The following SLC35F3 variants were observed in gnomAD, a reference collection of about 807,000 sequenced individuals.
SLC35F3 encodes the protein solute carrier family 35 member F3.
In SLC35F3, 25 loss-of-function variants were observed where a neutral mutation model predicts 49.9. The observed-to-expected ratio is 0.50, with a 90% CI of 0.37 to 0.70. The LOEUF (loss-of-function observed/expected upper bound fraction) is 0.70. SLC35F3 is among the 30% of genes least tolerant of loss of function. The pLI, the probability that SLC35F3 is intolerant of heterozygous loss-of-function variation, is 0.00. For synonymous variants in SLC35F3, 275 were observed against 265.4 expected (o/e 1.04, Z -0.35); for missense variants, 525 against 639.8 (o/e 0.82, Z 1.94).
intron 2 of SLC35F3, among the ~76,000 whole-genome samples, chr1:234,163,470 T>C (rs1312617266): frequency 6.6e-6 from 1 of 151,822 alleles, no homozygotes; most frequent in Non-Finnish European, 1.5e-5. Flanking sequence ...AGTGAGTGAG[T>C]GAGTGAGTGA....
At chr1:234,074,181 T>A (rs565916043) in intron 2 of SLC35F3, among the ~76,000 whole-genome samples, 1 of 152,316 alleles carries the variant, frequency 6.6e-6, no homozygotes, top group African/African-American at 2.4e-5. Context: ...GCTTTCCCTT[T>A]AAAATGTACG....
At chr1:234,241,710 G>A (rs963156884) in intron 3 of SLC35F3, among the ~76,000 whole-genome samples, 4 of 149,164 alleles carry the variant, frequency 2.7e-5, no homozygotes, top group African/African-American at 1.0e-4. Context: ...ACTCCAGCCT[G>A]GGCAACAAGA....
chr1:234,055,254 T>C (rs1664440220), intron 2 of SLC35F3, among the ~76,000 whole-genome samples: 1 of 152,136 alleles, frequency 6.6e-6, no homozygotes, highest in Non-Finnish European at 1.5e-5. Flanking sequence ...CTACAGAGTC[T>C]ATAGAGTCTA....
chr1:233,911,919 G>GAGTCT (rs1391134973), intron 2 of SLC35F3, among the ~76,000 whole-genome samples: 2 of 152,214 alleles, frequency 1.3e-5, no homozygotes, highest in Non-Finnish European at 2.9e-5. Flanking sequence ...TCATTAAAAA[G>GAGTCT]AGTCTAGTCT....
intron 2 of SLC35F3, among the ~76,000 whole-genome samples, chr1:234,108,678 ATAT>A (rs1393099312): frequency 1.0e-5 from 1 of 96,328 alleles, no homozygotes. Flanking sequence ...AAAGATATAT[ATAT>A]TTTTATATAT....
intron 2 of SLC35F3, among the ~76,000 whole-genome samples, chr1:234,133,732 C>T (rs913619642): frequency 6.6e-5 from 10 of 152,222 alleles, no homozygotes; most frequent in Admixed American, 5.2e-4. Flanking sequence ...GGCCATAACC[C>T]TCTTTTCTGG....
chr1:234,302,048 G>A lies in SLC35F3; in HGVS notation c.609-7053G>A, dbSNP rs186788992. ...ACACCAGGGCCTGTTGAAGGATGAG[G>A]GATGAGGGAAGGGAACTGAGAGGAC... is the stretch of plus-strand genomic sequence containing the variant. On this transcript the variant is annotated intron_variant, in intron 3 of 7. Transcript: ENST00000366618. Among the ~76,000 whole-genome samples the A allele has an allele frequency of 1.4e-4, 21 of 152,282 alleles. No individual in the cohort carries two copies. The East Asian group carries it at 3.9e-3, about 28-fold the overall frequency.
intron 2 of SLC35F3, among the ~76,000 whole-genome samples, chr1:234,223,021 A>C (rs939215514): frequency 2.0e-5 from 3 of 152,176 alleles, no homozygotes; most frequent in Admixed American, 1.3e-4. Flanking sequence ...TTTCAGACCA[A>C]GTATTAAAAC....
At chr1:234,307,081 C>T (rs1430890392) in intron 3 of SLC35F3, among the ~76,000 whole-genome samples, 2 of 152,204 alleles carry the variant, frequency 1.3e-5, no homozygotes, top group Non-Finnish European at 2.9e-5. Flanking sequence ...CCATCATTCA[C>T]GGTCACTGCC....
chr1:234,143,633 T>A (rs1665953956), intron 2 of SLC35F3, among the ~76,000 whole-genome samples: 2 of 152,132 alleles, frequency 1.3e-5, no homozygotes, highest in Non-Finnish European at 1.5e-5. Context: ...TGACAACATC[T>A]GGTATTTGCT....
chr1:234,068,129 G>A (rs781306538), intron 2 of SLC35F3, among the ~76,000 whole-genome samples: 2 of 152,132 alleles, frequency 1.3e-5, no homozygotes, highest in African/African-American at 2.4e-5. Context: ...TTGGAAGGGA[G>A]ACAGATAAGC....
At chr1:234,273,703 AG>A (rs1463310955) in intron 3 of SLC35F3, among the ~76,000 whole-genome samples, 1 of 152,180 alleles carries the variant, frequency 6.6e-6, no homozygotes, top group African/African-American at 2.4e-5. Context: ...CAAGGTGTTG[AG>A]GGTCTGGAGC....
intron 2 of SLC35F3, among the ~76,000 whole-genome samples, chr1:234,224,009 A>G (rs1204775318): frequency 6.6e-6 from 1 of 152,146 alleles, no homozygotes; most frequent in Non-Finnish European, 1.5e-5. Flanking sequence ...ATCCTACAAG[A>G]TTAGAATTCC....
Position 234,076,998 on chromosome 1 carries a change from G to T in SLC35F3, c.284-154419G>T, listed in dbSNP as rs1252021322. On this transcript the variant is annotated intron_variant, in intron 2 of 7. Transcript: ENST00000366618. ...TATAAAAGAAAGAGGTTTTTTTTTT[G>T]TTTTTTTTTTTTTTTTTGAGACGGA... Among the ~76,000 whole-genome samples the T allele has an allele frequency of 9.8e-3, 893 of 91,266 alleles. 10 individuals carry two copies. Among genetic ancestry groups the T allele is most frequent in the African/African-American group, 0.033 (731 of 22,240 alleles). 59.9% of individuals were successfully genotyped at this position (91,266 alleles called of 152,430 possible).
chr1:234,219,573 T>C (rs1667171892), intron 2 of SLC35F3, among the ~76,000 whole-genome samples: 1 of 152,192 alleles, frequency 6.6e-6, no homozygotes. Flanking sequence ...TGAAATGTAA[T>C]GTTTTTGATT....
At chr1:234,217,194 G>A (rs574183979) in intron 2 of SLC35F3, among the ~76,000 whole-genome samples, 4 of 152,234 alleles carry the variant, frequency 2.6e-5, no homozygotes, top group Non-Finnish European at 5.9e-5. Flanking sequence ...GTCATCTAAG[G>A]GGAGGCAAGA....
At chr1:234,020,350 C>A (rs1663871244) in intron 2 of SLC35F3, among the ~76,000 whole-genome samples, 1 of 152,052 alleles carries the variant, frequency 6.6e-6, no homozygotes, top group Non-Finnish European at 1.5e-5. Flanking sequence ...TCTGTCATAA[C>A]AAAATTATTA....
At chr1:233,986,161 T>A (rs1371830181) in intron 2 of SLC35F3, among the ~76,000 whole-genome samples, 1 of 152,240 alleles carries the variant, frequency 6.6e-6, no homozygotes, top group East Asian at 1.9e-4. Context: ...TGCAGTAATG[T>A]TAGCTATTAC....
intron 2 of SLC35F3, among the ~76,000 whole-genome samples, chr1:234,205,774 G>A (rs1469784042): frequency 6.6e-6 from 1 of 152,198 alleles, no homozygotes; most frequent in African/African-American, 2.4e-5. Context: ...AAGCCCTCAG[G>A]AAAGCAAACA....
Sources: allele counts gnomAD v4.1 joint callset (sites outside exome capture counted in the v4.1 genomes callset), GRCh38; gene constraint gnomAD v4.1.1; transcripts MANE v1.5; gene names NCBI Gene and HGNC (gene_info 2026-07-23, HGNC 2026-07-21).